Variants in BMP1 observed in about 807,000 individuals in gnomAD.
BMP1 encodes bone morphogenetic protein 1.
BMP1 carries 63 observed loss-of-function variants against 116.8 expected under a neutral mutation model. The observed-to-expected ratio is 0.54, with a 90% CI of 0.44 to 0.67. BMP1 has a LOEUF of 0.67. Among genes scored for constraint, BMP1 ranks in the 30% least tolerant of loss-of-function variants. The pLI is 0.00. For synonymous variants in BMP1, 536 were observed against 533.4 expected, an observed-to-expected ratio of 1.00 and a Z score of -0.07; for missense variants, 1,183 against 1,358.9, an observed-to-expected ratio of 0.87 and a Z score of 2.04.
In BMP1 at chr8:22,197,142, A is replaced by T. The variant is rs955042727; in HGVS notation, c.1927-98A>T. The T allele has an allele frequency of 2.7e-6, 4 of 1,472,518 alleles. No homozygotes were observed. The South Asian group carries it at 5.2e-5, about 19-fold the overall frequency. 91.2% of individuals were successfully genotyped at this position (1,472,518 alleles called of 1,614,324 possible). A position where few individuals can be genotyped will look rare whatever the true frequency, so the allele number is the denominator to read the frequency against. On this transcript the variant is annotated intron_variant, in intron 14 of 19. Coordinates refer to ENST00000306385, the MANE Select transcript of BMP1 (RefSeq NM_006129.5). ...CCAGTGAGGGGGCGTAGCTAAGTCA[A>T]GGCTAAAGGATGTGCAGAACAGAGA...
chr8:22,190,657 A>T (rs1029908626), intron 8 of BMP1, among the ~76,000 whole-genome samples: 3 of 152,182 alleles, frequency 2.0e-5, no homozygotes, highest in Non-Finnish European at 4.4e-5. Flanking sequence ...CATTGGAATC[A>T]CCAGGTATTC....
chr8:22,185,996 C>G (rs187785784), intron 8 of BMP1, among the ~76,000 whole-genome samples: 1 of 151,936 alleles, frequency 6.6e-6, no homozygotes, highest in South Asian at 2.1e-4. Flanking sequence ...CCACCACGCC[C>G]GGCTAATTTT....
At chr8:22,186,488 G>A (rs1828774215) in intron 8 of BMP1, among the ~76,000 whole-genome samples, 1 of 152,048 alleles carries the variant, frequency 6.6e-6, no homozygotes, top group Non-Finnish European at 1.5e-5. Context: ...ATTTTTTTGA[G>A]ATGGAGTCTC....
rs1391049222 is a variant in BMP1 at position 22,201,794 on chromosome 8, C to G, written c.2108-9C>G. The G allele has an allele frequency of 6.2e-7, 1 of 1,613,184 alleles. No homozygotes were observed. ...GACCCAGCGTCTGCCCTTATTTGCT[C>G]CCCTGCAGACAAGGACGAGTGCTCC... On this transcript the variant is annotated splice_polypyrimidine_tract_variant and intron_variant, in intron 15 of 19. Coordinates refer to ENST00000306385, the MANE Select transcript of BMP1 (RefSeq NM_006129.5).
At chr8:22,169,212 C>A (rs1395802103) in intron 1 of BMP1, 1 of 151,054 alleles carries the variant, frequency 6.6e-6, no homozygotes, top group Non-Finnish European at 1.5e-5. Flanking sequence ...AATCTAGTTT[C>A]TCCAGAGATC....
intron 15 of BMP1, among the ~76,000 whole-genome samples, chr8:22,197,628 T>C (rs1047107000): frequency 6.6e-6 from 1 of 152,156 alleles, no homozygotes; most frequent in African/African-American, 2.4e-5. Flanking sequence ...AGGACTGTAA[T>C]GACTGGGGCC....
In BMP1 at chr8:22,176,316, G is replaced by A; in HGVS notation, c.433+3G>A. The A allele has an allele frequency of 6.3e-7, 1 of 1,590,810 alleles. No homozygotes were observed. Among genetic ancestry groups the A allele is most frequent in the Non-Finnish European group, 8.6e-7 (1 of 1,166,880 alleles). On this transcript the variant is annotated splice_donor_region_variant and intron_variant, in intron 3 of 19. Transcript: ENST00000306385. ...TGTCATTGGGGGAAACTTCACTGGT[G>A]AGCGTGCTATTGTGGGTCCCAGAGT...
At chr8:22,187,145 C>T (rs1363027870) in intron 8 of BMP1, among the ~76,000 whole-genome samples, 1 of 151,722 alleles carries the variant, frequency 6.6e-6, no homozygotes, top group African/African-American at 2.4e-5. Flanking sequence ...CACGTGCCAC[C>T]ACACCCGGCT....
chr8:22,169,501 G>T (rs182049130), intron 1 of BMP1: 1 of 152,414 alleles, frequency 6.6e-6, no homozygotes, highest in Admixed American at 6.5e-5. Context: ...ATATGCGTGG[G>T]TGTGTCGCTG....
chr8:22,180,093 G>A lies in BMP1; in HGVS notation c.961+264G>A, dbSNP rs1003953658. Among the ~76,000 whole-genome samples the A allele has an allele frequency of 7.2e-5, 11 of 152,254 alleles. 1 individual carries two copies. Among genetic ancestry groups the A allele is most frequent in the Admixed American group, 7.2e-4 (11 of 15,300 alleles). The stretch of plus-strand genomic sequence containing the variant: ...GAGAACAGCAATCCTAGGAGAGGGA[G>A]GTGGCACGGAGCCCCACCAAGGGAG... On this transcript the variant is annotated intron_variant, in intron 7 of 19. Coordinates refer to ENST00000306385, the MANE Select transcript of BMP1 (RefSeq NM_006129.5).
Position 22,179,521 on chromosome 8 carries a change from A to T in BMP1, c.837-184A>T, listed in dbSNP as rs1174868404. On this transcript the variant is annotated intron_variant, in intron 6 of 19. Transcript: ENST00000306385. The surrounding 1 kb of genome is among the most constrained non-coding windows in gnomAD (Gnocchi z 4.6). ...TCCTGTGGTGTGGCTGCCACGGAGC[A>T]GGGTGGCTGCTGGTCAGTGGGTAGC... 6.6e-6 allele frequency among the ~76,000 whole-genome samples: 1 copy of T among 152,186 alleles called. No homozygotes were observed. Among genetic ancestry groups the T allele is most frequent in the Non-Finnish European group, 1.5e-5 (1 of 68,018 alleles).
intron 9 of BMP1, among the ~76,000 whole-genome samples, chr8:22,193,652 C>T (rs1334410902): frequency 3.9e-5 from 6 of 152,148 alleles, no homozygotes; most frequent in Non-Finnish European, 8.8e-5. Context: ...GGTGTGGTGG[C>T]AGATGCCTGT....
At chr8:22,205,667 T>C (rs1416495831) in intron 16 of BMP1, among the ~76,000 whole-genome samples, 1 of 152,078 alleles carries the variant, frequency 6.6e-6, no homozygotes, top group African/African-American at 2.4e-5. Context: ...CCCAGCTACT[T>C]GGGAGGCTGA....
Position 22,176,446 on chromosome 8 carries a change from C to T in BMP1, c.434-87C>T, listed in dbSNP as rs67370089. ...ACACATTCCTTTCCAGGCAGTCTGC[C>T]CTCAGAATGGCTGTGACTCTTCAGT... On this transcript the variant is annotated intron_variant, in intron 3 of 19. Transcript: ENST00000306385. 0.066 allele frequency: 103,424 copies of T among 1,558,896 alleles called. 4,521 individuals are homozygous for T. Among genetic ancestry groups the T allele is most frequent in the African/African-American group, 0.19 (13,923 of 73,842 alleles).
chr8:22,185,408 A>G (rs1433036819), intron 8 of BMP1, among the ~76,000 whole-genome samples: 1 of 151,852 alleles, frequency 6.6e-6, no homozygotes, highest in Non-Finnish European at 1.5e-5. Context: ...GTGAGCCAAG[A>G]TCGTGCCACT....
At position 22,192,327 on chromosome 8, in the gene BMP1, A is replaced by T. The variant is rs3924230; in HGVS notation, c.1180+176A>T. ...ATAGCTGCATTACTCACTTGCTGCG[A>T]GACTTCAGGCAAGTCCTGTCCTCAA... On this transcript the variant is annotated intron_variant, in intron 9 of 19. Transcript: ENST00000306385. 0.13 allele frequency: 71,063 copies of T among 561,544 alleles called. 5,208 individuals carry two copies. Among genetic ancestry groups the T allele is most frequent in the African/African-American group, 0.24 (12,985 of 53,028 alleles). The allele number at this position is 561,544 out of a possible 1,614,324, so 34.8% of individuals were successfully genotyped here.
chr8:22,209,859 G>C (rs1211519050), intron 19 of BMP1, among the ~76,000 whole-genome samples, 164 bp downstream of exon 19: 1 of 152,254 alleles, frequency 6.6e-6, no homozygotes, highest in African/African-American at 2.4e-5. Flanking sequence ...CAGCCTTGTT[G>C]GGGCTACTCA....
intron 18 of BMP1, 98 bp downstream of exon 18, chr8:22,207,614 G>A: frequency 7.3e-7 from 1 of 1,374,844 alleles, no homozygotes; most frequent in Non-Finnish European, 9.9e-7. Flanking sequence ...CAGAGGGACT[G>A]AGCCCTGCGA....
At chr8:22,168,195 C>G (rs561215271) in intron 1 of BMP1, among the ~76,000 whole-genome samples, 1 of 152,132 alleles carries the variant, frequency 6.6e-6, no homozygotes, top group Non-Finnish European at 1.5e-5. Context: ...GAGACCAGGA[C>G]GTTGGGCAGG....
Sources: gnomAD v4.1 joint callset for allele counts (sites outside exome capture counted in the v4.1 genomes callset) on GRCh38, gnomAD v4.1.1 for gene constraint, Gnocchi (gnomAD v3.1) non-coding constraint, MANE v1.5 for transcripts, NCBI Gene and HGNC (gene_info 2026-07-23, HGNC 2026-07-21) for gene names.